WDR72: variants seen among roughly 807,000 people sequenced by gnomAD.
The protein encoded by WDR72 is WD repeat domain 72.
A neutral mutation model predicts 124.2 loss-of-function variants in WDR72; 120 were observed. That is an observed-to-expected ratio of 0.97 (90% CI 0.83 to 1.12). The LOEUF (loss-of-function observed/expected upper bound fraction) is 1.12, where lower values mean the gene tolerates loss of function less well. Ranked by LOEUF, WDR72 falls within the 50% of genes most tolerant of loss-of-function variation. The probability of loss-of-function intolerance (pLI) is 0.00; values close to 1 mark genes in which losing one functional copy is unlikely to be tolerated. For synonymous variants in WDR72, 452 were observed against 441.7 expected (o/e 1.02, Z -0.29); for missense variants, 1,387 against 1,278.8 (o/e 1.08, Z -1.29).
intron 18 of WDR72, among the ~76,000 whole-genome samples, chr15:53,578,444 G>C (rs2011732875): frequency 6.6e-6 from 1 of 152,134 alleles, no homozygotes; most frequent in Non-Finnish European, 1.5e-5. Context: ...CTGGGGCCTT[G>C]CTCAGTGCTT....
chr15:53,725,566 C>T (rs1454464969), intron 2 of WDR72, among the ~76,000 whole-genome samples: 1 of 152,094 alleles, frequency 6.6e-6, no homozygotes. Flanking sequence ...AGATATCCTT[C>T]AAGTGGTGAA....
At chr15:53,621,330 A>C (rs1219943781) in intron 14 of WDR72, among the ~76,000 whole-genome samples, 1 of 151,418 alleles carries the variant, frequency 6.6e-6, no homozygotes, top group Non-Finnish European at 1.5e-5. Context: ...ATATGAAAAA[A>C]ATACTTGCAC....
Position 53,712,758 on chromosome 15 carries a change from T to G in WDR72, c.711+14A>C, listed in dbSNP as rs762592302. ...TTGTACATCACTGGTATTTATTATG[T>G]TACTTTATAATACCTTCCAACATTT... On this transcript the variant is annotated intron_variant, in intron 7 of 19. Coordinates refer to ENST00000360509, the MANE Select transcript of WDR72 (RefSeq NM_182758.4). The G allele has an allele frequency of 6.2e-7, 1 of 1,609,316 alleles. No individual in the cohort carries two copies. Among genetic ancestry groups the G allele is most frequent in the South Asian group, 1.1e-5 (1 of 90,736 alleles).
At chr15:53,755,456 T>A (rs1370081449) in intron 1 of WDR72, among the ~76,000 whole-genome samples, 20 of 152,244 alleles carry the variant, frequency 1.3e-4, no homozygotes, top group Admixed American at 1.3e-3. Flanking sequence ...AAAGCAGGCA[T>A]ATAGATTCTC....
intron 18 of WDR72, among the ~76,000 whole-genome samples, chr15:53,532,956 T>C (rs1470532722): frequency 6.6e-6 from 1 of 152,078 alleles, no homozygotes; most frequent in East Asian, 1.9e-4. Context: ...TAACCCTAAG[T>C]ATACGTAATA....
At chr15:53,620,888 A>G (rs1391177859) in intron 14 of WDR72, among the ~76,000 whole-genome samples, 3 of 152,062 alleles carry the variant, frequency 2.0e-5, no homozygotes, top group Non-Finnish European at 4.4e-5. Context: ...GAAAATCTTT[A>G]CAATCTATAT....
intron 14 of WDR72, among the ~76,000 whole-genome samples, chr15:53,621,649 G>T (rs749900719): frequency 1.3e-5 from 2 of 151,862 alleles, no homozygotes; most frequent in African/African-American, 2.4e-5. Context: ...GGGAAAAGGT[G>T]GGAAGGGGAT....
rs1368583838 is a variant in WDR72 at position 53,737,604 on chromosome 15, A to G, written c.-12-4443T>C. On this transcript the variant is annotated intron_variant, in intron 1 of 19. Transcript: ENST00000360509. The stretch of plus-strand genomic sequence containing the variant: ...ATGATTAAATAAGTCATTCACCAGA[A>G]AAGGATAATAGTCTCTAGATACTCA... Among the ~76,000 whole-genome samples, 3 of 152,284 alleles carry G rather than the reference A, an allele frequency of 2.0e-5. No homozygotes were observed. The East Asian group carries it at 5.8e-4, about 29-fold the overall frequency.
intron 18 of WDR72, among the ~76,000 whole-genome samples, chr15:53,585,453 G>A (rs1021512556): frequency 2.6e-4 from 40 of 151,964 alleles, no homozygotes; most frequent in African/African-American, 9.7e-4. Flanking sequence ...AGCACGTGGG[G>A]ATTACAGTTA....
chr15:53,706,194 CTT>C lies in WDR72; in HGVS notation c.955-122_955-121del, dbSNP rs939429392. On this transcript the variant is annotated intron_variant, in intron 9 of 19. Transcript: ENST00000360509. The stretch of plus-strand genomic sequence containing the variant: ...AAATCTTTTCAATTTATTTCCCACT[CTT>C]TTGACATTTTCAAGTAAATTAAATG... The C allele has an allele frequency of 8.1e-5, 93 of 1,147,474 alleles. 1 individual carries two copies. The East Asian group carries it at 2.2e-3, about 27-fold the overall frequency. The allele number at this position is 1,147,474 out of a possible 1,614,324, so 71.1% of individuals were successfully genotyped here.
At chr15:53,759,877 G>T (rs369569967), upstream of WDR72, among the ~76,000 whole-genome samples, 85 of 151,786 alleles carry the variant, frequency 5.6e-4, no homozygotes, top group African/African-American at 1.8e-3. Flanking sequence ...TTGCGGTGGC[G>T]GCTGGAAAAG....
At chr15:53,571,947 C>T (rs12906891) in intron 18 of WDR72, among the ~76,000 whole-genome samples, 45,035 of 151,792 alleles carry the variant, frequency 0.3, 7,642 homozygotes, top group Admixed American at 0.41. Flanking sequence ...GTAGTTTTGA[C>T]TTGCAATTCC....
rs2013750387 is a variant in WDR72, at chr15:53,616,024, TCA to T, written c.2180_2181del (p.Leu727GlnfsTer4). The T allele has an allele frequency of 6.2e-7, 1 of 1,613,134 alleles. No individual in the cohort carries two copies. Among genetic ancestry groups the T allele is most frequent in the African/African-American group, 1.3e-5 (1 of 74,866 alleles). The stretch of plus-strand genomic sequence containing the variant: ...GGACCACAGGCAGTTTTACTTTTTC[TCA>T]GTGTCAGTGTCTTCTTCTCCACTGT... ...KSTVEKKTLT[L>X]RKSKTACGPL... On this transcript the variant is annotated frameshift_variant, in exon 15 of 20. Coordinates refer to ENST00000360509, the MANE Select transcript of WDR72 (RefSeq NM_182758.4). LOFTEE classifies it high-confidence loss of function.
At chr15:53,554,281 A>G (rs990894492) in intron 18 of WDR72, among the ~76,000 whole-genome samples, 20 of 152,160 alleles carry the variant, frequency 1.3e-4, no homozygotes, top group Admixed American at 9.8e-4. Context: ...TATCACACAG[A>G]TGAGTAAAAA....
intron 5 of WDR72, 90 bp from the exon 6 acceptor site, chr15:53,714,600 G>A (rs1279797893): frequency 3.0e-6 from 3 of 993,138 alleles, no homozygotes; most frequent in Non-Finnish European, 4.7e-6. Flanking sequence ...GAATTACGCA[G>A]GGCTGTGTAG....
At chr15:53,568,685 G>A (rs1268495831) in intron 18 of WDR72, among the ~76,000 whole-genome samples, 2 of 151,890 alleles carry the variant, frequency 1.3e-5, no homozygotes, top group Non-Finnish European at 2.9e-5. Flanking sequence ...ATCATGGTTT[G>A]AAAAGTTCCT....
intron 18 of WDR72, among the ~76,000 whole-genome samples, chr15:53,527,811 T>A (rs1034457558): frequency 1.3e-5 from 2 of 152,006 alleles, no homozygotes; most frequent in Admixed American, 1.3e-4. Context: ...GACTAAAAGA[T>A]AGCTCAGGCC....
At chr15:53,653,098 T>G (rs2015298121) in intron 14 of WDR72, among the ~76,000 whole-genome samples, 1 of 152,026 alleles carries the variant, frequency 6.6e-6, no homozygotes, top group Non-Finnish European at 1.5e-5. Flanking sequence ...ATAAATACAC[T>G]TTTTTTTCTG....
Position 53,621,219 on chromosome 15 carries a change from G to A in WDR72, c.1963-4976C>T, listed in dbSNP as rs548348704. Among the ~76,000 whole-genome samples the A allele has an allele frequency of 3.9e-5, 6 of 151,938 alleles. No homozygotes were observed. The South Asian group carries it at 1.2e-3, about 32-fold the overall frequency. On this transcript the variant is annotated intron_variant, in intron 14 of 19. Transcript: ENST00000360509. The stretch of plus-strand genomic sequence containing the variant: ...GAATGTAAACTAGCACAACCACTGT[G>A]GAAAACGGTGTGGAGAATTCCTTAA...
Sources: gnomAD v4.1 joint callset for allele counts (sites outside exome capture counted in the v4.1 genomes callset) on GRCh38, gnomAD v4.1.1 for gene constraint, MANE v1.5 for transcripts, NCBI Gene and HGNC (gene_info 2026-07-23, HGNC 2026-07-21) for gene names.